The following PCDHGA7 variants were observed in gnomAD, a reference collection of about 807,000 sequenced individuals.
PCDHGA7 encodes the protein protocadherin gamma-A7.
In PCDHGA7, 44 loss-of-function variants were observed where a neutral mutation model predicts 58.3. The observed-to-expected ratio is 0.75, with a 90% confidence interval of 0.59 to 0.97. The LOEUF is 0.97. PCDHGA7 is among the 50% of genes least tolerant of loss of function. The pLI, the probability that PCDHGA7 is intolerant of heterozygous loss-of-function variation, is 0.00. For missense variants in PCDHGA7, 1,266 were observed against 1,188.7 expected (o/e 1.06, Z -0.96); for synonymous variants, 516 against 504.2 (o/e 1.02, Z -0.31).
chr5:141,413,372 G>T lies in PCDHGA7; in HGVS notation c.2424+28049G>T, dbSNP rs760934804. ...CTGGCGCCCCGGGAGCTGGCGGAGCGCGGAGTCCGCATAGTCTCCAGAGGT... is the reference window on the plus strand; with the variant it reads ...CTGGCGCCCCGGGAGCTGGCGGAGCTCGGAGTCCGCATAGTCTCCAGAGGT... On this transcript the variant is annotated intron_variant, in intron 1 of 3. Transcript: ENST00000518325. The T allele has an allele frequency of 1.9e-6, 3 of 1,613,950 alleles. No individual in the cohort carries two copies. The South Asian group carries it at 3.3e-5, about 18-fold the overall frequency.
intron 1 of PCDHGA7, chr5:141,413,467 G>C: frequency 1.2e-6 from 2 of 1,614,136 alleles, no homozygotes; most frequent in East Asian, 2.2e-5. Context: ...AGACCGGGAG[G>C]AGCTCTGCGC....
At position 141,394,450 on chromosome 5, in the gene PCDHGA7, T is replaced by A. The variant is rs188283892; in HGVS notation, c.2424+9127T>A. Reference sequence around the variant, plus strand: ...GGGGACCCGCCCCTCAGCAGCAACATGTCACTGAGCCTGTTCGTGCTGGAC... The same window carrying A: ...GGGGACCCGCCCCTCAGCAGCAACAAGTCACTGAGCCTGTTCGTGCTGGAC... On this transcript the variant is annotated intron_variant, in intron 1 of 3. Transcript: ENST00000518325. 92 of 1,614,228 alleles carry A rather than the reference T, an allele frequency of 5.7e-5. No individual in the cohort carries two copies. The East Asian group carries it at 1.9e-3, about 34-fold the overall frequency.
chr5:141,420,415 TAAAAC>T, intron 1 of PCDHGA7: 1 of 1,217,298 alleles, frequency 8.2e-7, no homozygotes, highest in Non-Finnish European at 1.1e-6. Flanking sequence ...TTATCATTAT[TAAAAC>T]AAAAGTTTAA....
intron 1 of PCDHGA7, among the ~76,000 whole-genome samples, chr5:141,444,357 G>C (rs1258703336): frequency 3.3e-5 from 5 of 151,798 alleles, no homozygotes; most frequent in African/African-American, 9.7e-5. Flanking sequence ...TTTTAGTAGA[G>C]ACGGGGTTTC....
chr5:141,389,379 C>G, intron 1 of PCDHGA7: 1 of 1,613,770 alleles, frequency 6.2e-7, no homozygotes, highest in Non-Finnish European at 8.5e-7. Context: ...GCAGCGGGAG[C>G]TGTCATCCTA....
Position 141,491,094 on chromosome 5 carries a change from G to C in PCDHGA7, c.2425-3713G>C, listed in dbSNP as rs1240705650. The C allele has an allele frequency of 1.9e-6, 3 of 1,614,202 alleles. No homozygotes were observed. Among genetic ancestry groups the C allele is most frequent in the Non-Finnish European group, 2.5e-6 (3 of 1,180,030 alleles). On this transcript the variant is annotated intron_variant, in intron 1 of 3. Coordinates refer to ENST00000518325, the MANE Select transcript of PCDHGA7 (RefSeq NM_018920.4). The surrounding 1 kb of genome is among the most constrained non-coding windows in gnomAD (Gnocchi z 6.9). The stretch of plus-strand genomic sequence containing the variant: ...TGCCACAGTCCACAGCCCCAGGACT[G>C]TTCCTCGTGTCTACACACACTGGTG...
intron 1 of PCDHGA7, chr5:141,389,813 C>G (rs575968401): frequency 1.3e-5 from 21 of 1,613,846 alleles, no homozygotes; most frequent in South Asian, 2.2e-5. Context: ...TTCTGGTCGC[C>G]GTGCGTGACG....
In PCDHGA7 at chr5:141,491,410, G is replaced by T. The variant is rs777207581; in HGVS notation, c.2425-3397G>T. On this transcript the variant is annotated intron_variant, in intron 1 of 3. Transcript: ENST00000518325. The surrounding 1 kb of genome is among the most constrained non-coding windows in gnomAD (Gnocchi z 6.9). ...GTGCCTTCAGGGAAACGCAGACGGG[G>T]ACGGGGGTGGAGGGCAGTGCTGCAG... 28 of 1,614,142 alleles carry T rather than the reference G, an allele frequency of 1.7e-5. No individual in the cohort carries two copies. The highest frequency in any genetic ancestry group is 2.4e-5 in the Non-Finnish European group (28 of 1,180,034).
chr5:141,432,600 C>T lies in PCDHGA7; in HGVS notation c.2424+47277C>T, dbSNP rs901310090. The T allele has an allele frequency of 1.9e-6, 3 of 1,613,832 alleles. No individual in the cohort carries two copies. The East Asian group carries it at 6.7e-5, about 36-fold the overall frequency. ...TACCGTCTGCTCAAGGCCAGCGAGCCGGGACTCTTCTCGGTGGGTCTGCAC... is the reference window on the plus strand; with the variant it reads ...TACCGTCTGCTCAAGGCCAGCGAGCTGGGACTCTTCTCGGTGGGTCTGCAC... On this transcript the variant is annotated intron_variant, in intron 1 of 3. Transcript: ENST00000518325. The surrounding 1 kb of genome is among the most constrained non-coding windows in gnomAD (Gnocchi z 6.0).
rs191053275 is a variant in PCDHGA7, at chr5:141,384,800, A to T, written c.1901A>T (p.Asp634Val). 1,106 of 1,613,428 alleles carry T rather than the reference A, an allele frequency of 6.9e-4. 2 individuals are homozygous for T. In the Middle Eastern group the frequency reaches 0.018, roughly 27 times the overall value. ...GEVRTARALL[D>V]RDALKQSLVV... ...GTGCGCACGGCTCGGGCCCTGCTGGACAGAGATGCCCTCAAGCAGAGCCTC... is the reference window on the plus strand; with the variant it reads ...GTGCGCACGGCTCGGGCCCTGCTGGTCAGAGATGCCCTCAAGCAGAGCCTC... Residue 634 changes from aspartate to valine, a missense_variant, in exon 1 of 4, where the codon GAC becomes GTC. Physicochemically the swap from Asp to Val is radical, Grantham distance 152 (BLOSUM62 -3). Transcript: ENST00000518325.
intron 1 of PCDHGA7, among the ~76,000 whole-genome samples, chr5:141,468,198 G>A (rs992118435): frequency 9.2e-5 from 14 of 151,854 alleles, no homozygotes; most frequent in Admixed American, 7.2e-4. Context: ...GGTGGCGGGT[G>A]CCTGTAATTC....
chr5:141,399,812 C>T (rs1561672586), intron 1 of PCDHGA7: 1 of 1,613,222 alleles, frequency 6.2e-7, no homozygotes, highest in South Asian at 1.1e-5. Context: ...CTGTACCCCG[C>T]GCTGGGTCCC....
chr5:141,410,180 C>G (rs776702898), intron 1 of PCDHGA7: 43 of 1,613,802 alleles, frequency 2.7e-5, no homozygotes, highest in Non-Finnish European at 3.4e-5. Context: ...CACCGCCACG[C>G]TTCATCTGGT....
chr5:141,475,721 G>C (rs867365261), intron 1 of PCDHGA7, among the ~76,000 whole-genome samples: 5 of 152,248 alleles, frequency 3.3e-5, no homozygotes, highest in Non-Finnish European at 7.3e-5. Context: ...ACAGCCCCAA[G>C]GCTGGCTTTC....
intron 1 of PCDHGA7, chr5:141,408,972 CT>C (rs1404896464): frequency 6.2e-7 from 1 of 1,613,870 alleles, no homozygotes; most frequent in Middle Eastern, 1.6e-4. Flanking sequence ...AATCTGCCCC[CT>C]GGGTCCCCTG....
At chr5:141,389,539 AC>A (rs750868475) in intron 1 of PCDHGA7, 1 of 1,613,100 alleles carries the variant, frequency 6.2e-7, no homozygotes, top group African/African-American at 1.3e-5. Context: ...TTAGTGGACG[AC>A]CGCAACGACA....
intron 1 of PCDHGA7, chr5:141,389,451 C>T: frequency 6.2e-7 from 1 of 1,610,536 alleles, no homozygotes; most frequent in South Asian, 1.1e-5. Context: ...CCACGAGCAG[C>T]TGCGCGCCTT....
rs752402965 is a variant in PCDHGA7, at chr5:141,491,400, C to G, written c.2425-3407C>G. The G allele has an allele frequency of 2.7e-5, 44 of 1,613,990 alleles. No individual in the cohort carries two copies. The highest frequency in any genetic ancestry group is 3.5e-5 in the Non-Finnish European group (41 of 1,179,996). On this transcript the variant is annotated intron_variant, in intron 1 of 3. Coordinates refer to ENST00000518325, the MANE Select transcript of PCDHGA7 (RefSeq NM_018920.4). The surrounding 1 kb of genome is among the most constrained non-coding windows in gnomAD (Gnocchi z 6.9). ...TGTCAGCGAAGTGCCTTCAGGGAAA[C>G]GCAGACGGGGACGGGGGTGGAGGGC... is the stretch of plus-strand genomic sequence containing the variant.
intron 1 of PCDHGA7, among the ~76,000 whole-genome samples, chr5:141,450,572 T>C (rs1276283357): frequency 6.6e-6 from 1 of 151,710 alleles, no homozygotes; most frequent in Non-Finnish European, 1.5e-5. Context: ...CTGCAACTTC[T>C]GCCTCCCAGG....
Sources: gnomAD v4.1 joint callset for allele counts (sites outside exome capture counted in the v4.1 genomes callset) on GRCh38, gnomAD v4.1.1 for gene constraint, Gnocchi (gnomAD v3.1) non-coding constraint, MANE v1.5 for transcripts, NCBI Gene and HGNC (gene_info 2026-07-23, HGNC 2026-07-21) for gene names.